The following DRD2 variants were observed in gnomAD, a reference collection of about 807,000 sequenced individuals.
DRD2 encodes dopamine receptor D2.
A neutral mutation model predicts 38.0 loss-of-function variants in DRD2; 8 were observed. The ratio of observed to expected loss-of-function variants is 0.21; its 90% confidence interval spans 0.12 to 0.38. DRD2 has a LOEUF of 0.38. Ranked by LOEUF, DRD2 falls within the 10% of genes least tolerant of loss-of-function variation. The pLI, the probability that DRD2 is intolerant of heterozygous loss-of-function variation, is 1.00. For synonymous variants in DRD2, 230 were observed against 238.6 expected, an observed-to-expected ratio of 0.96 and a Z score of 0.33; for missense variants, 403 against 607.7, an observed-to-expected ratio of 0.66 and a Z score of 3.54.
rs1591270823 is a variant in DRD2 at position 113,410,664 on chromosome 11, G to A, written c.*63C>T. The stretch of plus-strand genomic sequence containing the variant: ...GCCTTCCTGCTCACGGTTCGCAAGG[G>A]TGAGGCTGGCCGGCCTGGGCAGGGA... On this transcript the variant is annotated 3_prime_UTR_variant, in exon 8 of 8. Coordinates refer to ENST00000362072, the MANE Select transcript of DRD2 (RefSeq NM_000795.4). 14 of 1,605,494 alleles carry A rather than the reference G, an allele frequency of 8.7e-6. No individual in the cohort carries two copies. The East Asian group carries it at 3.1e-4, about 36-fold the overall frequency.
chr11:113,474,120 C>G (rs938555432), intron 1 of DRD2: 5 of 152,302 alleles, frequency 3.3e-5, no homozygotes, highest in Non-Finnish European at 1.5e-5. Flanking sequence ...GTGACTTGCT[C>G]AGACAGCTTC....
At chr11:113,449,641 G>A (rs770497861) in intron 1 of DRD2, among the ~76,000 whole-genome samples, 1 of 152,090 alleles carries the variant, frequency 6.6e-6, no homozygotes. Flanking sequence ...GCCATAACAC[G>A]GAGCTGCTCC....
At chr11:113,439,121 T>C (rs1033866453) in intron 1 of DRD2, among the ~76,000 whole-genome samples, 1 of 152,208 alleles carries the variant, frequency 6.6e-6, no homozygotes, top group African/African-American at 2.4e-5. Context: ...TAGTTGGTGG[T>C]ATTTCTTTGC....
intron 1 of DRD2, among the ~76,000 whole-genome samples, chr11:113,435,374 G>T (rs1951025965): frequency 6.6e-6 from 1 of 152,228 alleles, no homozygotes; most frequent in South Asian, 2.1e-4. Flanking sequence ...TGAGCGGGGT[G>T]GTGGCGGTGC....
chr11:113,413,411 G>A (rs1950789662), intron 6 of DRD2: 2 of 515,048 alleles, frequency 3.9e-6, no homozygotes, highest in South Asian at 2.8e-5. Flanking sequence ...GACCCCTGGG[G>A]CCCCACATCT....
At chr11:113,474,076 A>G (rs1365743284) in intron 1 of DRD2, among the ~76,000 whole-genome samples, 1 of 152,062 alleles carries the variant, frequency 6.6e-6, no homozygotes, top group Non-Finnish European at 1.5e-5. Context: ...AGAGCCACCG[A>G]AAAAAAAGTA....
chr11:113,431,698 T>C (rs1248123449), intron 1 of DRD2, among the ~76,000 whole-genome samples: 1 of 152,240 alleles, frequency 6.6e-6, no homozygotes, highest in African/African-American at 2.4e-5. Flanking sequence ...ATCAGAGGTC[T>C]AGAATGCATC....
At chr11:113,463,375 G>A (rs975135581) in intron 1 of DRD2, among the ~76,000 whole-genome samples, 1 of 152,150 alleles carries the variant, frequency 6.6e-6, no homozygotes, top group African/African-American at 2.4e-5. Flanking sequence ...GTAGGAAGTG[G>A]GCCGTGTCAG....
intron 1 of DRD2, among the ~76,000 whole-genome samples, chr11:113,431,172 A>T (rs1950983534): frequency 6.6e-6 from 1 of 152,196 alleles, no homozygotes; most frequent in South Asian, 2.1e-4. Context: ...ACATGCATGG[A>T]CACTGTTATT....
intron 2 of DRD2, among the ~76,000 whole-genome samples, chr11:113,421,475 G>A (rs776868148): frequency 1.1e-4 from 17 of 152,132 alleles, no homozygotes; most frequent in Non-Finnish European, 2.1e-4. Flanking sequence ...ACAGGAAGCC[G>A]CTCCTTAAAG....
At chr11:113,437,552 T>C (rs1288435693) in intron 1 of DRD2, among the ~76,000 whole-genome samples, 12 of 152,182 alleles carry the variant, frequency 7.9e-5, no homozygotes, top group Admixed American at 7.9e-4. Flanking sequence ...CTAAGTGACT[T>C]AGGCAACCTC....
intron 1 of DRD2, among the ~76,000 whole-genome samples, chr11:113,456,961 A>G (rs917776462): frequency 6.6e-6 from 1 of 152,180 alleles, no homozygotes; most frequent in Non-Finnish European, 1.5e-5. Flanking sequence ...ACATGCACAC[A>G]TCCGACCTGC....
At chr11:113,453,665 G>C (rs1311755164) in intron 1 of DRD2, among the ~76,000 whole-genome samples, 1 of 152,232 alleles carries the variant, frequency 6.6e-6, no homozygotes, top group African/African-American at 2.4e-5. Context: ...CCACAGTGCA[G>C]GGAGAGAAAC....
intron 1 of DRD2, among the ~76,000 whole-genome samples, chr11:113,432,683 T>C (rs1950998936): frequency 6.6e-6 from 1 of 152,096 alleles, no homozygotes; most frequent in Non-Finnish European, 1.5e-5. Flanking sequence ...TGACTTGAGT[T>C]GGATAGGAAT....
At chr11:113,435,557 G>A (rs1951027494) in intron 1 of DRD2, among the ~76,000 whole-genome samples, 1 of 152,122 alleles carries the variant, frequency 6.6e-6, no homozygotes, top group South Asian at 2.1e-4. Context: ...ACAGTGGGGA[G>A]AATGAAGCCT....
intron 4 of DRD2, 90 bp from the exon 5 acceptor site, chr11:113,415,701 AG>A (rs1950819157): frequency 6.9e-7 from 1 of 1,441,556 alleles, no homozygotes; most frequent in Non-Finnish European, 9.5e-7. Context: ...TCCAGGAACA[AG>A]GAGCGATTTT....
intron 1 of DRD2, among the ~76,000 whole-genome samples, chr11:113,456,954 T>C (rs1038362957): frequency 6.6e-6 from 1 of 152,182 alleles, no homozygotes; most frequent in African/African-American, 2.4e-5. Flanking sequence ...GGAATTCACA[T>C]GCACACATCC....
chr11:113,435,296 AAATT>A (rs1460939451), intron 1 of DRD2, among the ~76,000 whole-genome samples: 3 of 137,388 alleles, frequency 2.2e-5, no homozygotes, highest in African/African-American at 8.1e-5. Flanking sequence ...AAAGTGTCAC[AAATT>A]AATTAACTGT....
chr11:113,454,747 A>G (rs1045014437), intron 1 of DRD2, among the ~76,000 whole-genome samples: 2 of 152,264 alleles, frequency 1.3e-5, no homozygotes, highest in African/African-American at 2.4e-5. Context: ...AAAACGTGGT[A>G]TCCACATACA....
Sources: allele counts gnomAD v4.1 joint callset (sites outside exome capture counted in the v4.1 genomes callset), GRCh38; gene constraint gnomAD v4.1.1; transcripts MANE v1.5; gene names NCBI Gene and HGNC (gene_info 2026-07-23, HGNC 2026-07-21).